Variants in ESRRB observed in about 807,000 individuals in gnomAD.
ESRRB encodes the protein estrogen related receptor beta, also known as steroid hormone receptor ERR2.
In ESRRB, 16 loss-of-function variants were observed where a neutral mutation model predicts 46.0. That is an observed-to-expected ratio of 0.35 (90% CI 0.24 to 0.53). The LOEUF (loss-of-function observed/expected upper bound fraction) is 0.53. Ranked by LOEUF, ESRRB falls within the 20% of genes least tolerant of loss-of-function variation. ESRRB has a pLI of 0.93. For synonymous variants in ESRRB, 246 were observed against 259.6 expected (o/e 0.95, Z 0.50); for missense variants, 488 against 607.4 (o/e 0.80, Z 2.07).
chr14:76,313,539 G>A (rs1883763343), intron 1 of ESRRB, among the ~76,000 whole-genome samples: 1 of 152,176 alleles, frequency 6.6e-6, no homozygotes, highest in African/African-American at 2.4e-5. Context: ...GACAGTGGGG[G>A]CAATGAGCAG....
intron 1 of ESRRB, among the ~76,000 whole-genome samples, chr14:76,349,498 T>C (rs1884289071): frequency 6.6e-6 from 1 of 152,216 alleles, no homozygotes; most frequent in South Asian, 2.1e-4. Context: ...TGTGGCCTCC[T>C]GCGAGATGCT....
intron 1 of ESRRB, among the ~76,000 whole-genome samples, chr14:76,311,287 T>A (rs1010008659): frequency 3.3e-5 from 5 of 152,218 alleles, no homozygotes; most frequent in African/African-American, 9.6e-5. Context: ...AGGGTAGCGA[T>A]GTCGCCCAGC....
At chr14:76,444,508 A>ACGTGGT (rs1003377823) in intron 2 of ESRRB, among the ~76,000 whole-genome samples, 1 of 151,242 alleles carries the variant, frequency 6.6e-6, no homozygotes, top group Non-Finnish European at 1.5e-5. Context: ...AGAGAAAGGG[A>ACGTGGT]CGTGGTTCTT....
chr14:76,406,991 C>T (rs531301172), intron 1 of ESRRB, among the ~76,000 whole-genome samples: 7 of 152,180 alleles, frequency 4.6e-5, no homozygotes, highest in African/African-American at 7.2e-5. Context: ...ACAATAAATG[C>T]GTGGTTGTTG....
upstream of ESRRB, among the ~76,000 whole-genome samples, chr14:76,371,944 C>T (rs570655970): frequency 6.6e-6 from 1 of 152,254 alleles, no homozygotes; most frequent in South Asian, 2.1e-4. Context: ...CTTGCTGCTG[C>T]CTCATTTGTG....
chr14:76,396,171 CAAACAAAAACAA>C (rs36207641), intron 1 of ESRRB, among the ~76,000 whole-genome samples: 21,463 of 150,862 alleles, frequency 0.14, 1,889 homozygotes, highest in Non-Finnish European at 0.2. Flanking sequence ...GACTCCGTAT[CAAACAAAAACAA>C]AAACAAAAAC....
intron 1 of ESRRB, among the ~76,000 whole-genome samples, chr14:76,429,918 G>A (rs1345424432): frequency 1.3e-5 from 2 of 151,848 alleles, no homozygotes; most frequent in Admixed American, 6.6e-5. Context: ...CATTATCGCT[G>A]GTTCGTAACA....
chr14:76,321,055 T>C (rs574900980), intron 1 of ESRRB, among the ~76,000 whole-genome samples: 3 of 152,350 alleles, frequency 2.0e-5, no homozygotes, highest in African/African-American at 7.2e-5. Context: ...TCTTATTTTT[T>C]ACTAAATGGC....
chr14:76,334,064 A>G (rs1884096502), intron 1 of ESRRB, among the ~76,000 whole-genome samples: 1 of 152,194 alleles, frequency 6.6e-6, no homozygotes, highest in Admixed American at 6.5e-5. Flanking sequence ...ACAGGGCTGA[A>G]ATAGTGCCTG....
At chr14:76,458,744 T>C (rs56108155) in intron 2 of ESRRB, among the ~76,000 whole-genome samples, 39,707 of 151,510 alleles carry the variant, frequency 0.26, 5,384 homozygotes, top group Middle Eastern at 0.33. Flanking sequence ...TGGAGAGCCC[T>C]GTGAGCTCCT....
At chr14:76,407,528 A>G in intron 1 of ESRRB, 2 of 985,312 alleles carry the variant, frequency 2.0e-6, no homozygotes, top group South Asian at 4.7e-5. Flanking sequence ...TAGCTTTCCC[A>G]TCTGTTCTGT....
At position 76,498,378 on chromosome 14, in the gene ESRRB, C is replaced by A. The variant is rs1416122912; in HGVS notation, c.1285C>A (p.Gln429Lys). The change falls in exon 7 of 7, where the codon CAG becomes AAG. Residue 429 changes from glutamine to lysine, a missense_variant. Gln to Lys is a moderately conservative substitution (Grantham distance 53, BLOSUM62 1). Transcript: ENST00000644823. ...LLRQTAAKAV[Q>K]HFYSVKLQGK... ...GCGGCAGACGGCCGCCAAGGCCGTG[C>A]AGCACTTCTATAGCGTCAAACTGCA... 6.2e-7 allele frequency: 1 copy of A among 1,613,196 alleles called. No homozygotes were observed. The highest frequency in any genetic ancestry group is 1.3e-5 in the African/African-American group (1 of 74,936).
chr14:76,424,167 A>G (rs1176021630), intron 1 of ESRRB, among the ~76,000 whole-genome samples: 1 of 152,254 alleles, frequency 6.6e-6, no homozygotes, highest in East Asian at 1.9e-4. Context: ...TCAGTGATTT[A>G]CTAACCATTG....
intron 6 of ESRRB, among the ~76,000 whole-genome samples, chr14:76,496,118 A>T (rs1193400077): frequency 1.3e-5 from 2 of 152,268 alleles, no homozygotes; most frequent in African/African-American, 4.8e-5. Context: ...AGTGACGCAC[A>T]TAAGGCTGTG....
At chr14:76,315,081 C>T (rs1292171759) in intron 1 of ESRRB, among the ~76,000 whole-genome samples, 7 of 152,052 alleles carry the variant, frequency 4.6e-5, no homozygotes, top group Non-Finnish European at 4.4e-5. Context: ...CTTTTTATTT[C>T]GCCTGTACTT....
At chr14:76,426,323 TTA>T (rs1173369028) in intron 1 of ESRRB, among the ~76,000 whole-genome samples, 2 of 152,148 alleles carry the variant, frequency 1.3e-5, no homozygotes, top group African/African-American at 2.4e-5. Context: ...AGGGAGTGGC[TTA>T]TATTACTTTG....
intron 1 of ESRRB, among the ~76,000 whole-genome samples, chr14:76,396,778 G>A (rs888098654): frequency 1.3e-5 from 2 of 152,172 alleles, no homozygotes; most frequent in East Asian, 1.9e-4. Context: ...CTCAACTTCC[G>A]GAGGCTCAAC....
At chr14:76,491,053 C>A (rs1890204319) in intron 5 of ESRRB, among the ~76,000 whole-genome samples, 2 of 152,180 alleles carry the variant, frequency 1.3e-5, no homozygotes, top group South Asian at 4.1e-4. Context: ...GGAAACTCCC[C>A]AGAGTGGCCG....
At chr14:76,463,255 C>G (rs563356612) in intron 3 of ESRRB, 3 of 175,290 alleles carry the variant, frequency 1.7e-5, no homozygotes, top group Non-Finnish European at 3.7e-5. Context: ...ACGTGGCTCC[C>G]GAGTGCTGGT....
Sources: allele counts gnomAD v4.1 joint callset (sites outside exome capture counted in the v4.1 genomes callset), GRCh38; gene constraint gnomAD v4.1.1; transcripts MANE v1.5; gene names NCBI Gene and HGNC (gene_info 2026-07-23, HGNC 2026-07-21).